The following ZMYM4 variants were observed in gnomAD, a reference collection of about 807,000 sequenced individuals.
ZMYM4 encodes zinc finger MYM-type protein 4.
In ZMYM4, 31 loss-of-function variants were observed where a neutral mutation model predicts 183.2. That is an observed-to-expected ratio of 0.17 (90% confidence interval 0.13 to 0.23). ZMYM4 has a LOEUF of 0.23. ZMYM4 is among the 10% of genes least tolerant of loss of function. ZMYM4 has a pLI of 1.00. For synonymous variants in ZMYM4, 592 were observed against 631.2 expected (o/e 0.94, Z 0.93); for missense variants, 1,273 against 1,840.3 (o/e 0.69, Z 5.64).
chr1:35,335,649 G>C (rs1469179428), intron 2 of ZMYM4, among the ~76,000 whole-genome samples: 6 of 152,072 alleles, frequency 3.9e-5, no homozygotes, highest in Non-Finnish European at 8.8e-5. Flanking sequence ...ATTTTAAATT[G>C]TGGAAAAAAC....
chr1:35,338,088 CAT>C (rs1269381417), intron 2 of ZMYM4, among the ~76,000 whole-genome samples: 7 of 152,070 alleles, frequency 4.6e-5, no homozygotes, highest in African/African-American at 9.7e-5. Context: ...ACTATTAAAA[CAT>C]GTGAAAATCA....
chr1:35,351,672 C>A, intron 2 of ZMYM4: 2 of 499,990 alleles, frequency 4.0e-6, no homozygotes, highest in Non-Finnish European at 7.1e-6. Context: ...GCAACAACAA[C>A]AACAAAAAAC....
At chr1:35,373,239 C>CATAT (rs149850987) in intron 7 of ZMYM4, among the ~76,000 whole-genome samples, 4,345 of 147,988 alleles carry the variant, frequency 0.029, 217 homozygotes, top group East Asian at 0.23. Flanking sequence ...TATATATATG[C>CATAT]ATATATATAT....
At chr1:35,323,921 G>A (rs1326607470) in intron 1 of ZMYM4, among the ~76,000 whole-genome samples, 1 of 152,054 alleles carries the variant, frequency 6.6e-6, no homozygotes, top group Non-Finnish European at 1.5e-5. Context: ...TGGAATGGTA[G>A]GTGGAGTGAC....
chr1:35,387,776 T>C (rs756892500), intron 13 of ZMYM4, among the ~76,000 whole-genome samples, 172 bp downstream of exon 13: 24 of 152,246 alleles, frequency 1.6e-4, no homozygotes, highest in Non-Finnish European at 2.6e-4. Flanking sequence ...AGTTTTCTTA[T>C]ATTATGTAGC....
At chr1:35,370,181 T>G (rs1644173948) in intron 6 of ZMYM4, 68 bp downstream of exon 6, 2 of 1,566,792 alleles carry the variant, frequency 1.3e-6, no homozygotes, top group Admixed American at 1.8e-5. Context: ...GAAATTCTGC[T>G]TGTATTAATA....
At chr1:35,274,614 TTTA>T (rs1316982015) in intron 1 of ZMYM4, among the ~76,000 whole-genome samples, 1 of 143,268 alleles carries the variant, frequency 7.0e-6, no homozygotes, top group Non-Finnish European at 1.5e-5. Flanking sequence ...TGTTTTTTTT[TTTA>T]AAAAAAAAAA....
intron 1 of ZMYM4, among the ~76,000 whole-genome samples, chr1:35,291,627 ATTG>A (rs1249631551): frequency 7.2e-6 from 1 of 138,974 alleles, no homozygotes; most frequent in Non-Finnish European, 1.5e-5. Context: ...AGTGGTAGTG[ATTG>A]TTACTTTTTT....
chr1:35,358,749 C>G (rs576735732), intron 2 of ZMYM4, 176 bp from the exon 3 acceptor site: 509 of 530,038 alleles, frequency 9.6e-4, no homozygotes, highest in Non-Finnish European at 1.3e-3. Flanking sequence ...GTTTCCTTAA[C>G]TGTCAGATAG....
chr1:35,392,490 A>G, intron 16 of ZMYM4, 138 bp downstream of exon 16: 1 of 1,299,218 alleles, frequency 7.7e-7, no homozygotes, highest in Non-Finnish European at 1.1e-6. Context: ...CACAAGTTTC[A>G]TATCTCATAC....
chr1:35,401,458 G>A (rs150286142), intron 23 of ZMYM4, among the ~76,000 whole-genome samples: 14 of 152,054 alleles, frequency 9.2e-5, no homozygotes, highest in Non-Finnish European at 1.5e-4. Context: ...CACAGTTTTC[G>A]CACATTTTTT....
At chr1:35,363,712 A>G (rs1261713316) in intron 5 of ZMYM4, among the ~76,000 whole-genome samples, 1 of 152,248 alleles carries the variant, frequency 6.6e-6, no homozygotes, top group South Asian at 2.1e-4. Flanking sequence ...CTATTTAAAT[A>G]GAAGGTAAAT....
chr1:35,319,342 C>T (rs1445532276), intron 1 of ZMYM4, among the ~76,000 whole-genome samples: 3 of 148,984 alleles, frequency 2.0e-5, no homozygotes, highest in South Asian at 2.4e-4. Context: ...AATATAATAT[C>T]GCTGGGTGTG....
intron 1 of ZMYM4, among the ~76,000 whole-genome samples, chr1:35,276,218 C>T (rs1168576628): frequency 6.6e-6 from 1 of 151,706 alleles, no homozygotes; most frequent in African/African-American, 2.4e-5. Flanking sequence ...ATCTACTATT[C>T]CTGTCTCATC....
At chr1:35,416,529 T>C (rs1256959192) in intron 28 of ZMYM4, among the ~76,000 whole-genome samples, 2 of 152,204 alleles carry the variant, frequency 1.3e-5, no homozygotes, top group African/African-American at 4.8e-5. Context: ...TTTATATATA[T>C]GTAACCCACT....
chr1:35,385,026 G>A (rs1252699378), intron 9 of ZMYM4, among the ~76,000 whole-genome samples: 1 of 151,552 alleles, frequency 6.6e-6, no homozygotes, highest in East Asian at 1.9e-4. Flanking sequence ...TTGTATTTTT[G>A]TAGAGGCAGG....
In ZMYM4 at chr1:35,306,696, A is replaced by G. The variant is rs184934672; in HGVS notation, c.40-18664A>G. 3.9e-5 allele frequency among the ~76,000 whole-genome samples: 6 copies of G among 152,278 alleles called. No individual in the cohort carries two copies. In the East Asian group the frequency reaches 1.2e-3, roughly 29 times the overall value. On this transcript the variant is annotated intron_variant, in intron 1 of 29. Transcript: ENST00000314607. ...TGGGCATATATGGTCCTGATTATAT[A>G]TTTAGTTTTATGTCTTGTTTCTTTT...
At chr1:35,307,263 G>A (rs1472168083) in intron 1 of ZMYM4, among the ~76,000 whole-genome samples, 1 of 152,124 alleles carries the variant, frequency 6.6e-6, no homozygotes, top group Admixed American at 6.5e-5. Flanking sequence ...AGAGTAAGGG[G>A]AGAAAACACT....
At chr1:35,388,763 C>G in intron 13 of ZMYM4, 147 bp from the exon 14 acceptor site, 1 of 666,174 alleles carries the variant, frequency 1.5e-6, no homozygotes, top group Non-Finnish European at 2.5e-6. Context: ...GTCTCAAACT[C>G]CTGGGCTCAA....
Sources: allele counts gnomAD v4.1 joint callset (sites outside exome capture counted in the v4.1 genomes callset), GRCh38; gene constraint gnomAD v4.1.1; transcripts MANE v1.5; gene names NCBI Gene and HGNC (gene_info 2026-07-23, HGNC 2026-07-21).